IGF1: variants seen among roughly 807,000 people sequenced by gnomAD.
IGF1 encodes insulin-like growth factor 1.
In IGF1, 4 loss-of-function variants were observed where a neutral mutation model predicts 13.8. That is an observed-to-expected ratio of 0.29 (90% CI 0.14 to 0.66). The LOEUF (loss-of-function observed/expected upper bound fraction) is 0.66. IGF1 is among the 30% of genes least tolerant of loss of function. The probability of loss-of-function intolerance (pLI) is 0.78; values close to 1 mark genes in which losing one functional copy is unlikely to be tolerated. For synonymous variants in IGF1, 76 were observed against 72.6 expected, an observed-to-expected ratio of 1.05 and a Z score of -0.23; for missense variants, 124 against 188.5, an observed-to-expected ratio of 0.66 and a Z score of 2.00.
chr12:102,407,094 C>CAAAA (rs57468885), intron 3 of IGF1, among the ~76,000 whole-genome samples: 34 of 100,976 alleles, frequency 3.4e-4, no homozygotes, highest in Admixed American at 4.9e-4. Context: ...ACTCTGTCTC[C>CAAAA]AAAAAAAAAA....
chr12:102,418,326 G>A (rs947902815), intron 3 of IGF1, among the ~76,000 whole-genome samples: 7 of 152,224 alleles, frequency 4.6e-5, no homozygotes, highest in African/African-American at 9.6e-5. Context: ...TGCCTGGCCA[G>A]TGGCTACTGT....
chr12:102,425,626 G>A (rs929304204), intron 2 of IGF1, among the ~76,000 whole-genome samples: 1 of 152,202 alleles, frequency 6.6e-6, no homozygotes, highest in Admixed American at 6.5e-5. Context: ...TCAAGAGCAG[G>A]TGTGAAAAGA....
At position 102,415,193 on chromosome 12, in the gene IGF1, T is replaced by C. The variant is rs545351462; in HGVS notation, c.402+4316A>G. On this transcript the variant is annotated intron_variant, in intron 3 of 3. Transcript: ENST00000337514. The stretch of plus-strand genomic sequence containing the variant: ...ATCTCAGAAGTGCCACTTGTTTTTA[T>C]GGTGTGTCTTTCTACCACTATTCAT... Among the ~76,000 whole-genome samples the C allele has an allele frequency of 4.6e-5, 7 of 152,284 alleles. No individual in the cohort carries two copies. The East Asian group carries it at 1.4e-3, about 29-fold the overall frequency.
intron 2 of IGF1, chr12:102,423,046 A>C (rs887411956): frequency 6.6e-6 from 1 of 152,276 alleles, no homozygotes; most frequent in South Asian, 2.1e-4. Flanking sequence ...ACAGTGGATG[A>C]CTGCTATGGT....
At chr12:102,471,475 C>G (rs1295138068) in intron 2 of IGF1, among the ~76,000 whole-genome samples, 1 of 152,096 alleles carries the variant, frequency 6.6e-6, no homozygotes, top group Non-Finnish European at 1.5e-5. Context: ...TAATAATAAC[C>G]TAGATCTAAG....
chr12:102,478,566 A>T, intron 1 of IGF1: 1 of 1,594,294 alleles, frequency 6.3e-7, no homozygotes, highest in South Asian at 1.2e-5. Context: ...TGTGAATAGA[A>T]AACTGAAGTC....
intron 2 of IGF1, among the ~76,000 whole-genome samples, chr12:102,425,998 A>G (rs1384873377): frequency 6.6e-6 from 1 of 152,228 alleles, no homozygotes; most frequent in African/African-American, 2.4e-5. Context: ...ATCAAATGCC[A>G]AGAGGTCATT....
chr12:102,478,567 A>G, intron 1 of IGF1: 1 of 1,593,114 alleles, frequency 6.3e-7, no homozygotes, highest in South Asian at 1.2e-5. Context: ...GTGAATAGAA[A>G]ACTGAAGTCT....
At chr12:102,436,788 A>G (rs2137073445) in intron 2 of IGF1, among the ~76,000 whole-genome samples, 1 of 152,372 alleles carries the variant, frequency 6.6e-6, no homozygotes, top group Admixed American at 6.5e-5. Flanking sequence ...CTGAGGAAAC[A>G]GGGTTAATTA....
At chr12:102,469,616 T>A (rs1566005425) in intron 2 of IGF1, among the ~76,000 whole-genome samples, 1 of 152,190 alleles carries the variant, frequency 6.6e-6, no homozygotes, top group Non-Finnish European at 1.5e-5. Context: ...ATGCCTCTTT[T>A]CAAGAAAGTG....
At chr12:102,451,214 C>A (rs1878888402) in intron 2 of IGF1, among the ~76,000 whole-genome samples, 1 of 152,212 alleles carries the variant, frequency 6.6e-6, no homozygotes, top group South Asian at 2.1e-4. Context: ...GAATTAAGTT[C>A]ATCAATGAAG....
intron 2 of IGF1, among the ~76,000 whole-genome samples, chr12:102,441,906 G>GCTGCTGCTGCTGCTGCTTCTT: frequency 2.4e-4 from 24 of 100,338 alleles, no homozygotes; most frequent in South Asian, 6.6e-4. Context: ...CTATTACACT[G>GCTGCTGCTGCTGCTGCTTCTT]CTTCTTCTCC....
At chr12:102,477,304 C>T (rs1317016392) in intron 1 of IGF1, among the ~76,000 whole-genome samples, 1 of 151,276 alleles carries the variant, frequency 6.6e-6, no homozygotes, top group African/African-American at 2.4e-5. Flanking sequence ...ACCCCTGTCT[C>T]TCGTTAACAA....
chr12:102,470,023 A>C (rs550053774), intron 2 of IGF1, among the ~76,000 whole-genome samples: 6 of 152,224 alleles, frequency 3.9e-5, no homozygotes, highest in Non-Finnish European at 8.8e-5. Context: ...TGGGCCGTTC[A>C]TATACCTCAG....
At position 102,398,812 on chromosome 12, in the gene IGF1, T is replaced by C. The variant is rs1873440337; in HGVS notation, c.*3695A>G. On this transcript the variant is annotated 3_prime_UTR_variant, in exon 4 of 4. Coordinates refer to ENST00000337514, the MANE Select transcript of IGF1 (RefSeq NM_000618.5). ...TTTTCTTTTTTTCTTTTTTTTTTAG[T>C]CAAGTACTTTCTTAAAGAAACAATA... 6.6e-6 allele frequency: 1 copy of C among 152,216 alleles called. No individual in the cohort carries two copies. The highest frequency in any genetic ancestry group is 3.2e-3 in the Middle Eastern group (1 of 316). 9.4% of individuals were successfully genotyped at this position (152,216 alleles called of 1,614,324 possible).
chr12:102,470,745 A>C (rs1880635490), intron 2 of IGF1, among the ~76,000 whole-genome samples: 1 of 152,168 alleles, frequency 6.6e-6, no homozygotes, highest in Non-Finnish European at 1.5e-5. Context: ...CACTCAAAAC[A>C]ATGCTAATGG....
At chr12:102,472,988 A>G (rs1377237573) in intron 2 of IGF1, among the ~76,000 whole-genome samples, 1 of 152,224 alleles carries the variant, frequency 6.6e-6, no homozygotes, top group Admixed American at 6.5e-5. Context: ...TCTTAAGACC[A>G]AGATCCCAAA....
At chr12:102,419,744 G>A in intron 2 of IGF1, 54 bp from the exon 3 acceptor site, 7 of 1,568,590 alleles carry the variant, frequency 4.5e-6, no homozygotes, top group Non-Finnish European at 6.1e-6. Flanking sequence ...GCTTTCTTCA[G>A]TCTTCCACCC....
intron 2 of IGF1, among the ~76,000 whole-genome samples, chr12:102,472,309 T>C (rs1880738329): frequency 1.3e-5 from 2 of 152,154 alleles, no homozygotes; most frequent in Admixed American, 1.3e-4. Flanking sequence ...TCACTTGCTG[T>C]AGTGGAACTT....
Sources: gnomAD v4.1 joint callset for allele counts (sites outside exome capture counted in the v4.1 genomes callset) on GRCh38, gnomAD v4.1.1 for gene constraint, MANE v1.5 for transcripts, NCBI Gene and HGNC (gene_info 2026-07-23, HGNC 2026-07-21) for gene names.